TBC1D30: variants seen among roughly 807,000 people sequenced by gnomAD.
TBC1D30 encodes the protein TBC1 domain family member 30.
In TBC1D30, 31 loss-of-function variants were observed where a neutral mutation model predicts 63.2. That is an observed-to-expected ratio of 0.49 (90% CI 0.37 to 0.66). The LOEUF (loss-of-function observed/expected upper bound fraction) is 0.66. Ranked by LOEUF, TBC1D30 falls within the 30% of genes least tolerant of loss-of-function variation. The pLI is 0.00. For synonymous variants in TBC1D30, 307 were observed against 361.5 expected (o/e 0.85, Z 1.71); for missense variants, 810 against 953.6 (o/e 0.85, Z 1.98).
intron 1 of TBC1D30, among the ~76,000 whole-genome samples, chr12:64,762,456 A>G (rs1870551775): frequency 6.6e-6 from 1 of 152,332 alleles, no homozygotes; most frequent in African/African-American, 2.4e-5. Flanking sequence ...AGAAAAGTGG[A>G]TAACAGGGAC....
At chr12:64,792,869 C>T (rs7298491) in intron 2 of TBC1D30, among the ~76,000 whole-genome samples, 365 of 152,286 alleles carry the variant, frequency 2.4e-3, no homozygotes, top group African/African-American at 8.3e-3. Context: ...CTACTATGCC[C>T]AGCCTAGGCT....
At chr12:64,852,131 CT>C (rs1458712336) in intron 8 of TBC1D30, among the ~76,000 whole-genome samples, 1 of 152,188 alleles carries the variant, frequency 6.6e-6, no homozygotes, top group African/African-American at 2.4e-5. Context: ...CAGTTCCATT[CT>C]TCCCGTCACT....
intron 11 of TBC1D30, among the ~76,000 whole-genome samples, 195 bp from the exon 12 acceptor site, chr12:64,874,806 G>A (rs932284674): frequency 3.3e-5 from 5 of 152,100 alleles, no homozygotes; most frequent in Admixed American, 3.3e-4. Context: ...TTAAAGAAGA[G>A]CGCATTGGTA....
intron 1 of TBC1D30, among the ~76,000 whole-genome samples, chr12:64,785,147 C>CTTTTTTTTTTTT (rs3033154): frequency 3.0e-5 from 4 of 134,844 alleles, no homozygotes; most frequent in Non-Finnish European, 3.2e-5. Flanking sequence ...ACTTTAAAGA[C>CTTTTTTTTTTTT]TTTTTTTTTT....
In TBC1D30 at chr12:64,843,263, G is replaced by A. The variant is rs973947600; in HGVS notation, c.933-117G>A. On this transcript the variant is annotated intron_variant, in intron 7 of 11. Coordinates refer to ENST00000539867, the MANE Select transcript of TBC1D30 (RefSeq NM_015279.2). ...TCCCGCCCCAGCCTCCCAGAGTGCTGGGATTATAGGCATGAGCCACCATGC... is the reference window on the plus strand; with the variant it reads ...TCCCGCCCCAGCCTCCCAGAGTGCTAGGATTATAGGCATGAGCCACCATGC... 6.9e-6 allele frequency: 6 copies of A among 875,422 alleles called. No homozygotes were observed. The African/African-American group carries it at 1.0e-4, about 15-fold the overall frequency. 54.2% of individuals were successfully genotyped at this position (875,422 alleles called of 1,614,324 possible). A position where few individuals can be genotyped will look rare whatever the true frequency, so the allele number is the denominator to read the frequency against.
upstream of TBC1D30, among the ~76,000 whole-genome samples, chr12:64,819,976 C>T (rs1219855351): frequency 3.9e-5 from 6 of 152,100 alleles, no homozygotes; most frequent in Non-Finnish European, 8.8e-5. Flanking sequence ...AGCTTGTGTG[C>T]ATATCAGCAC....
exon 1 of TBC1D30, chr12:64,759,616 A>G (rs1870419008): frequency 5.8e-6 from 2 of 345,146 alleles, no homozygotes; most frequent in Non-Finnish European, 1.1e-5. Flanking sequence ...GAGAACCGGG[A>G]AAAGGGCGGA....
intron 2 of TBC1D30, among the ~76,000 whole-genome samples, chr12:64,803,049 C>A (rs1317579751): frequency 6.6e-6 from 1 of 152,180 alleles, no homozygotes; most frequent in Non-Finnish European, 1.5e-5. Flanking sequence ...ATTTCTAGTT[C>A]TAGATCCTTG....
chr12:64,769,633 G>A (rs889066450), intron 1 of TBC1D30, among the ~76,000 whole-genome samples: 1 of 149,474 alleles, frequency 6.7e-6, no homozygotes, highest in African/African-American at 2.5e-5. Context: ...TGATCTGCCC[G>A]CCTTGGCCTC....
intron 1 of TBC1D30, among the ~76,000 whole-genome samples, chr12:64,783,619 A>C (rs902813820): frequency 6.6e-6 from 1 of 151,944 alleles, no homozygotes; most frequent in Non-Finnish European, 1.5e-5. Context: ...AGAGGCTTCT[A>C]TACCAGCAGA....
At position 64,765,832 on chromosome 12, in the gene TBC1D30, CA is replaced by C. The variant is rs142093900; in HGVS notation, c.-376+6199del. Reference sequence around the variant, plus strand: ...GCGACTTGACAAAACCCCACCTCTACAAAAAAAAAAAAAAAATACAATACAC... The same window carrying C: ...GCGACTTGACAAAACCCCACCTCTACAAAAAAAAAAAAAAATACAATACAC... On this transcript the variant is annotated intron_variant, in intron 1 of 13. Transcript: ENST00000674237. Among the ~76,000 whole-genome samples, 140 of 116,956 alleles carry C rather than the reference CA, an allele frequency of 1.2e-3. 1 individual carries two copies. The highest frequency in any genetic ancestry group is 4.5e-3 in the Middle Eastern group (1 of 224). The allele number at this position is 116,956 out of a possible 152,430, so 76.7% of individuals were successfully genotyped here.
intron 2 of TBC1D30, among the ~76,000 whole-genome samples, chr12:64,796,640 T>C (rs1287836721): frequency 1.3e-5 from 2 of 152,194 alleles, no homozygotes; most frequent in African/African-American, 4.8e-5. Context: ...AGAATACTTC[T>C]AGAAGTGGGG....
At chr12:64,872,811 C>T (rs1020440491) in intron 11 of TBC1D30, among the ~76,000 whole-genome samples, 4 of 152,166 alleles carry the variant, frequency 2.6e-5, no homozygotes, top group African/African-American at 4.8e-5. Flanking sequence ...TCACATCTTA[C>T]GTGGATGGCA....
chr12:64,827,772 T>C, intron 1 of TBC1D30, 63 bp from the exon 2 acceptor site: 2 of 1,118,292 alleles, frequency 1.8e-6, no homozygotes, highest in South Asian at 2.9e-5. Context: ...CTTTTACTAG[T>C]ATTTTTGATA....
At chr12:64,835,700 G>T (rs1349875166) in intron 5 of TBC1D30, among the ~76,000 whole-genome samples, 1 of 152,058 alleles carries the variant, frequency 6.6e-6, no homozygotes, top group Non-Finnish European at 1.5e-5. Flanking sequence ...TGACTTCTCC[G>T]ATTCCACTGT....
chr12:64,862,598 G>A (rs774480202), intron 8 of TBC1D30, among the ~76,000 whole-genome samples: 6 of 152,220 alleles, frequency 3.9e-5, no homozygotes, highest in Non-Finnish European at 7.4e-5. Flanking sequence ...CTGGATGAGG[G>A]AATTTACTGA....
At chr12:64,805,078 G>T (rs535261739) in intron 2 of TBC1D30, among the ~76,000 whole-genome samples, 1 of 152,230 alleles carries the variant, frequency 6.6e-6, no homozygotes, top group South Asian at 2.1e-4. Context: ...GGCGGGGCCT[G>T]TAATCCCAGC....
At chr12:64,856,772 A>G (rs908693851) in intron 8 of TBC1D30, among the ~76,000 whole-genome samples, 7 of 152,120 alleles carry the variant, frequency 4.6e-5, no homozygotes, top group South Asian at 2.1e-4. Context: ...ATGATAGTCT[A>G]TTCTACTGCA....
intron 11 of TBC1D30, among the ~76,000 whole-genome samples, chr12:64,874,368 A>G (rs574544581): frequency 2.6e-5 from 4 of 152,226 alleles, no homozygotes; most frequent in Non-Finnish European, 4.4e-5. Flanking sequence ...AATTACAGGC[A>G]TGAACCACGG....
Sources: allele counts gnomAD v4.1 joint callset (sites outside exome capture counted in the v4.1 genomes callset), GRCh38; gene constraint gnomAD v4.1.1; transcripts MANE v1.5; gene names NCBI Gene and HGNC (gene_info 2026-07-23, HGNC 2026-07-21).